KCNH8: variants seen among roughly 807,000 people sequenced by gnomAD.
KCNH8 encodes voltage-gated delayed rectifier potassium channel KCNH8.
A neutral mutation model predicts 103.6 loss-of-function variants in KCNH8; 70 were observed. That is an observed-to-expected ratio of 0.68 (90% CI 0.56 to 0.82). The LOEUF (loss-of-function observed/expected upper bound fraction) is 0.82, where lower values mean the gene tolerates loss of function less well. Among genes scored for constraint, KCNH8 ranks in the 40% least tolerant of loss-of-function variants. The pLI is 0.00. For missense variants in KCNH8, 1,217 were observed against 1,329.9 expected (o/e 0.92, Z 1.32); for synonymous variants, 498 against 489.4 (o/e 1.02, Z -0.23).
At chr3:19,478,636 G>A (rs1427677830) in intron 11 of KCNH8, among the ~76,000 whole-genome samples, 6 of 151,974 alleles carry the variant, frequency 3.9e-5, no homozygotes, top group African/African-American at 1.2e-4. Flanking sequence ...GTGGCCAACT[G>A]GATCTCCATT....
intron 7 of KCNH8, among the ~76,000 whole-genome samples, chr3:19,405,378 G>A (rs1026202410): frequency 1.3e-5 from 2 of 151,376 alleles, no homozygotes; most frequent in Non-Finnish European, 3.0e-5. Flanking sequence ...ATCTAATAAT[G>A]TTTGATAAGT....
chr3:19,477,654 A>G (rs1269568262), intron 11 of KCNH8, among the ~76,000 whole-genome samples: 1 of 152,208 alleles, frequency 6.6e-6, no homozygotes, highest in African/African-American at 2.4e-5. Context: ...GAATCCAGAA[A>G]GAGTTTCAGT....
At chr3:19,427,356 GC>G (rs2067043930) in intron 7 of KCNH8, among the ~76,000 whole-genome samples, 1 of 152,182 alleles carries the variant, frequency 6.6e-6, no homozygotes, top group African/African-American at 2.4e-5. Context: ...CATTATAGTT[GC>G]CAAATAATGG....
chr3:19,481,873 G>A (rs2068092884), intron 11 of KCNH8, among the ~76,000 whole-genome samples: 1 of 152,188 alleles, frequency 6.6e-6, no homozygotes, highest in African/African-American at 2.4e-5. Context: ...TGCATGGCCT[G>A]TGACAGACAT....
At chr3:19,481,505 G>A (rs1198475713) in intron 11 of KCNH8, among the ~76,000 whole-genome samples, 1 of 152,092 alleles carries the variant, frequency 6.6e-6, no homozygotes, top group Non-Finnish European at 1.5e-5. Context: ...GGATAAGACT[G>A]CCCTCTTCAA....
At chr3:19,323,448 CA>C (rs895368711) in intron 3 of KCNH8, among the ~76,000 whole-genome samples, 9 of 149,662 alleles carry the variant, frequency 6.0e-5, no homozygotes, top group African/African-American at 1.7e-4. Context: ...GACTGTGTCT[CA>C]AAAAAAAATA....
intron 1 of KCNH8, among the ~76,000 whole-genome samples, chr3:19,192,418 A>G (rs1235179481): frequency 6.6e-6 from 1 of 151,616 alleles, no homozygotes; most frequent in Non-Finnish European, 1.5e-5. Context: ...CTTATCATCC[A>G]ATATTTCTCC....
chr3:19,363,601 A>C (rs1025281141), intron 5 of KCNH8, among the ~76,000 whole-genome samples: 7 of 152,132 alleles, frequency 4.6e-5, no homozygotes, highest in African/African-American at 1.4e-4. Flanking sequence ...ATTGTGCATA[A>C]CCTATATAAT....
At chr3:19,417,090 C>T (rs2066875486) in intron 7 of KCNH8, among the ~76,000 whole-genome samples, 1 of 151,356 alleles carries the variant, frequency 6.6e-6, no homozygotes, top group Admixed American at 6.6e-5. Flanking sequence ...AGCTAACTAA[C>T]TTCCTACTCT....
chr3:19,515,498 ATT>A (rs56353870), intron 14 of KCNH8, 70 bp downstream of exon 14: 75,523 of 404,186 alleles, frequency 0.19, 39 homozygotes, highest in East Asian at 0.25. Context: ...TGTTATGGGC[ATT>A]TTTTTTTTTT....
intron 5 of KCNH8, among the ~76,000 whole-genome samples, chr3:19,357,250 C>A (rs1358227022): frequency 6.6e-6 from 1 of 151,778 alleles, no homozygotes; most frequent in African/African-American, 2.4e-5. Context: ...ATATTTGCAT[C>A]CCCATTCCTT....
intron 3 of KCNH8, among the ~76,000 whole-genome samples, chr3:19,284,508 GGTGT>G (rs66509260): frequency 0.043 from 5,878 of 136,530 alleles, 201 homozygotes; most frequent in East Asian, 0.12. Flanking sequence ...TGGATCTGCT[GGTGT>G]GTGTGTGTGT....
intron 2 of KCNH8, among the ~76,000 whole-genome samples, chr3:19,269,008 T>C (rs1190533358): frequency 6.6e-6 from 1 of 152,162 alleles, no homozygotes; most frequent in Non-Finnish European, 1.5e-5. Context: ...ATCTGACTTT[T>C]TATACTTCGT....
chr3:19,520,874 C>T (rs752920542), intron 15 of KCNH8, among the ~76,000 whole-genome samples: 19 of 151,944 alleles, frequency 1.3e-4, no homozygotes, highest in Non-Finnish European at 2.4e-4. Context: ...TCAGTGTGTA[C>T]ATTTCATAAT....
intron 1 of KCNH8, among the ~76,000 whole-genome samples, chr3:19,153,696 G>A (rs1398189884): frequency 4.1e-5 from 6 of 144,838 alleles, no homozygotes; most frequent in South Asian, 2.2e-4. Context: ...GCAGTGGTGC[G>A]ATCTTGGCTC....
In KCNH8 at chr3:19,535,527, G is replaced by A. The variant is rs946370317; in HGVS notation, c.*1428G>A. 6.6e-6 allele frequency: 1 copy of A among 152,112 alleles called. No homozygotes were observed. Among genetic ancestry groups the A allele is most frequent in the Non-Finnish European group, 1.5e-5 (1 of 68,008 alleles). 9.4% of individuals were successfully genotyped at this position (152,112 alleles called of 1,614,324 possible). On this transcript the variant is annotated 3_prime_UTR_variant, in exon 16 of 16. Coordinates refer to ENST00000328405, the MANE Select transcript of KCNH8 (RefSeq NM_144633.3). ...TATTTTATGTTTTAGAACAGTTACA[G>A]TCTAATTGTCTTGGACATTTTGGGA...
intron 3 of KCNH8, among the ~76,000 whole-genome samples, chr3:19,286,179 C>G (rs1174665480): frequency 6.6e-6 from 1 of 152,138 alleles, no homozygotes; most frequent in Non-Finnish European, 1.5e-5. Context: ...TCTTTTGGGA[C>G]CCTCTTTCTG....
intron 7 of KCNH8, among the ~76,000 whole-genome samples, chr3:19,434,678 G>A (rs1050901151): frequency 5.9e-5 from 9 of 152,104 alleles, no homozygotes; most frequent in African/African-American, 1.7e-4. Context: ...TGTGGAGAGG[G>A]GGGAAACAAA....
At chr3:19,444,865 A>G (rs2067339439) in intron 8 of KCNH8, among the ~76,000 whole-genome samples, 1 of 151,956 alleles carries the variant, frequency 6.6e-6, no homozygotes, top group Non-Finnish European at 1.5e-5. Context: ...GGATAATGAA[A>G]CACCTTGACC....
Sources: gnomAD v4.1 joint callset for allele counts (sites outside exome capture counted in the v4.1 genomes callset) on GRCh38, gnomAD v4.1.1 for gene constraint, MANE v1.5 for transcripts, NCBI Gene and HGNC (gene_info 2026-07-23, HGNC 2026-07-21) for gene names.